The following FGF14 variants were observed in gnomAD, a reference collection of about 807,000 sequenced individuals.
FGF14 encodes fibroblast growth factor 14.
In FGF14, 5 loss-of-function variants were observed where a neutral mutation model predicts 25.5. The observed-to-expected ratio is 0.20, with a 90% confidence interval of 0.10 to 0.41. FGF14 has a LOEUF of 0.41. FGF14 is among the 10% of genes least tolerant of loss of function. The pLI is 1.00. For missense variants in FGF14, 222 were observed against 320.1 expected, an observed-to-expected ratio of 0.69 and a Z score of 2.34; for synonymous variants, 138 against 118.3, an observed-to-expected ratio of 1.17 and a Z score of -1.08.
In FGF14 at chr13:101,875,336, T is replaced by C. The variant is rs551396115; in HGVS notation, c.194-40A>G. The C allele has an allele frequency of 2.7e-5, 35 of 1,319,872 alleles. 1 individual carries two copies. The East Asian group carries it at 7.9e-4, about 30-fold the overall frequency. 81.8% of individuals were successfully genotyped at this position (1,319,872 alleles called of 1,614,324 possible). A position where few individuals can be genotyped will look rare whatever the true frequency, so the allele number is the denominator to read the frequency against. ...TAGTTATCATAAGCCTCACAATGTG[T>C]CACCATAGTTTCCTTTATCTTTTCT... On this transcript the variant is annotated intron_variant, in intron 1 of 4. Coordinates refer to ENST00000376143, the MANE Select transcript of FGF14 (RefSeq NM_004115.4).
At chr13:102,293,199 T>C (rs1193712561) in intron 1 of FGF14, 1 of 152,226 alleles carries the variant, frequency 6.6e-6, no homozygotes, top group African/African-American at 2.4e-5. Flanking sequence ...GTATTCAAAA[T>C]TGCCATGAAG....
In FGF14 at chr13:102,093,897, T is replaced by A. The variant is rs921555385; in HGVS notation, c.209-218601A>T. Among the ~76,000 whole-genome samples, 4 of 150,424 alleles carry A rather than the reference T, an allele frequency of 2.7e-5. No individual in the cohort carries two copies. In the South Asian group the frequency reaches 8.4e-4, roughly 32 times the overall value. ...GCAGCTATGCCAGCAGGCATGAACA[T>A]CTTGGACTTTTTGCAAAATACCTTT... On this transcript the variant is annotated intron_variant, in intron 1 of 4. Transcript: ENST00000376131.
chr13:102,195,359 G>T (rs1261756820), intron 1 of FGF14, among the ~76,000 whole-genome samples: 2 of 152,062 alleles, frequency 1.3e-5, no homozygotes, highest in Non-Finnish European at 2.9e-5. Flanking sequence ...AAGAAAGGGG[G>T]AAAAGTAGAG....
At chr13:102,186,206 G>A (rs11843426) in intron 1 of FGF14, among the ~76,000 whole-genome samples, 22,428 of 152,060 alleles carry the variant, frequency 0.15, 1,965 homozygotes, top group African/African-American at 0.24. Context: ...ACTTATAAGC[G>A]CAGCATTTCC....
intron 1 of FGF14, among the ~76,000 whole-genome samples, chr13:101,950,642 C>T (rs530190130): frequency 3.9e-4 from 60 of 152,078 alleles, no homozygotes; most frequent in Admixed American, 2.8e-3. Context: ...AATGCCTTTT[C>T]GTTCAAAGGG....
intron 1 of FGF14, among the ~76,000 whole-genome samples, chr13:101,891,744 A>G (rs2029862782): frequency 6.6e-6 from 1 of 152,190 alleles, no homozygotes; most frequent in Non-Finnish European, 1.5e-5. Context: ...AAATATACAT[A>G]TAAAATTAGA....
At position 101,714,160 on chromosome 13, in the gene FGF14, C is replaced by A; in HGVS notation, c.*8671G>T. 1 of 339,626 alleles carries A rather than the reference C, an allele frequency of 2.9e-6. No individual in the cohort carries two copies. The highest frequency in any genetic ancestry group is 5.1e-5 in the East Asian group (1 of 19,778). 21.0% of individuals were successfully genotyped at this position (339,626 alleles called of 1,614,324 possible). A position where few individuals can be genotyped will look rare whatever the true frequency, so the allele number is the denominator to read the frequency against. ...TGGAAGACCATCTATAAGAATCAAC[C>A]CCATCCTGCTCTCATTGACATTTCA... On this transcript the variant is annotated 3_prime_UTR_variant, in exon 5 of 5. Transcript: ENST00000376143.
At chr13:101,894,630 C>T (rs746183364) in intron 1 of FGF14, among the ~76,000 whole-genome samples, 1 of 152,194 alleles carries the variant, frequency 6.6e-6, no homozygotes, top group African/African-American at 2.4e-5. Flanking sequence ...CATATACCCA[C>T]TGACAGATTT....
intron 1 of FGF14, among the ~76,000 whole-genome samples, chr13:102,350,947 C>A (rs1372763280): frequency 6.6e-6 from 1 of 152,160 alleles, no homozygotes; most frequent in African/African-American, 2.4e-5. Flanking sequence ...GCAACAGATT[C>A]TCCTCTTATG....
chr13:102,000,971 C>A (rs1048918276), intron 1 of FGF14, among the ~76,000 whole-genome samples: 14 of 152,210 alleles, frequency 9.2e-5, no homozygotes, highest in South Asian at 8.3e-4. Context: ...CCTTAAAGGG[C>A]AGAGACTAGA....
chr13:101,822,330 C>T (rs1185682293), intron 3 of FGF14, among the ~76,000 whole-genome samples: 1 of 152,014 alleles, frequency 6.6e-6, no homozygotes, highest in Non-Finnish European at 1.5e-5. Context: ...CTAGTCTATT[C>T]CAATATTAAA....
At chr13:102,172,630 G>A (rs2048296321) in intron 1 of FGF14, among the ~76,000 whole-genome samples, 1 of 152,104 alleles carries the variant, frequency 6.6e-6, no homozygotes, top group Non-Finnish European at 1.5e-5. Context: ...ACTGTGATCA[G>A]CATGAGCTCT....
intron 1 of FGF14, among the ~76,000 whole-genome samples, chr13:101,932,710 G>T (rs2034842198): frequency 6.9e-6 from 1 of 145,820 alleles, no homozygotes; most frequent in Non-Finnish European, 1.5e-5. Flanking sequence ...TCAGTCGGTT[G>T]CCCCTACACA....
chr13:102,123,051 G>A (rs772820413), intron 1 of FGF14, among the ~76,000 whole-genome samples: 1 of 152,168 alleles, frequency 6.6e-6, no homozygotes, highest in Non-Finnish European at 1.5e-5. Context: ...AAGATGGGCA[G>A]CATTACAAAG....
At chr13:102,061,982 A>G (rs1022530521) in intron 1 of FGF14, among the ~76,000 whole-genome samples, 1 of 152,242 alleles carries the variant, frequency 6.6e-6, no homozygotes, top group Non-Finnish European at 1.5e-5. Flanking sequence ...AAAGGCCTAG[A>G]TGAGCCTAGT....
intron 1 of FGF14, among the ~76,000 whole-genome samples, chr13:102,270,180 A>T (rs1349290937): frequency 2.0e-5 from 3 of 152,154 alleles, no homozygotes; most frequent in African/African-American, 7.2e-5. Context: ...GGGAAAAAAA[A>T]ATAAAAGAAC....
At chr13:102,247,322 T>C (rs2051925718) in intron 1 of FGF14, among the ~76,000 whole-genome samples, 1 of 152,002 alleles carries the variant, frequency 6.6e-6, no homozygotes, top group East Asian at 1.9e-4. Context: ...GAGAAAATAT[T>C]TGCAAATTAT....
rs2034697243 is a variant in FGF14 at position 101,715,839 on chromosome 13, A to G, written c.*6992T>C. 1 of 468,296 alleles carries G rather than the reference A, an allele frequency of 2.1e-6. No homozygotes were observed. Among genetic ancestry groups the G allele is most frequent in the African/African-American group, 2.0e-5 (1 of 50,332 alleles). 29.0% of individuals were successfully genotyped at this position (468,296 alleles called of 1,614,324 possible). ...ATGAGTTATGCAAATTTAGATGCAA[A>G]TAACATTAGAAAAAAAAGATTCTTC... On this transcript the variant is annotated 3_prime_UTR_variant, in exon 5 of 5. Transcript: ENST00000376143.
chr13:102,300,319 T>C (rs2054963406), intron 1 of FGF14: 1 of 151,166 alleles, frequency 6.6e-6, no homozygotes, highest in Admixed American at 6.6e-5. Flanking sequence ...TCATCATACA[T>C]ATCTGCCTTC....
Sources: allele counts gnomAD v4.1 joint callset (sites outside exome capture counted in the v4.1 genomes callset), GRCh38; gene constraint gnomAD v4.1.1; transcripts MANE v1.5; gene names NCBI Gene and HGNC (gene_info 2026-07-23, HGNC 2026-07-21).